Variants in IL1RAPL1 observed in about 807,000 individuals in gnomAD.
IL1RAPL1 encodes interleukin 1 receptor accessory protein like 1.
Under a neutral mutation model 48.4 loss-of-function variants are expected in IL1RAPL1, and 3 were observed. The ratio of observed to expected loss-of-function variants is 0.06; its 90% CI spans 0.03 to 0.16. The LOEUF (loss-of-function observed/expected upper bound fraction) is 0.16, where lower values mean the gene tolerates loss of function less well. Ranked by LOEUF, IL1RAPL1 falls within the 10% of genes least tolerant of loss-of-function variation. The pLI is 1.00. For missense variants in IL1RAPL1, 349 were observed against 530.6 expected (o/e 0.66, Z 3.36); for synonymous variants, 185 against 187.7 (o/e 0.99, Z 0.12).
At chrX:29,473,172 G>A (rs183907543) in intron 5 of IL1RAPL1, among the ~76,000 whole-genome samples, 1 of 111,565 alleles carries the variant, frequency 9.0e-6, no homozygotes, top group Non-Finnish European at 1.9e-5. Flanking sequence ...TTATCTTCTT[G>A]TTGTGTCTTT....
At chrX:29,395,547 G>A (rs1363370730) in intron 3 of IL1RAPL1, among the ~76,000 whole-genome samples, 1 of 111,767 alleles carries the variant, frequency 8.9e-6, no homozygotes, top group Admixed American at 9.5e-5. Flanking sequence ...AGAAAAAAGA[G>A]ATGCTTATTT....
chrX:29,568,691 G>A (rs996708147), intron 5 of IL1RAPL1, among the ~76,000 whole-genome samples: 2 of 111,145 alleles, frequency 1.8e-5, no homozygotes, highest in African/African-American at 6.5e-5. Flanking sequence ...AAGAAAAATA[G>A]CATTTAAGAC....
chrX:29,608,429 A>G (rs1293567241), intron 5 of IL1RAPL1, among the ~76,000 whole-genome samples: 1 of 108,481 alleles, frequency 9.2e-6, no homozygotes, highest in Non-Finnish European at 1.9e-5. Context: ...GAAAGAAAGG[A>G]AGAGGAAAGG....
intron 2 of IL1RAPL1, among the ~76,000 whole-genome samples, chrX:29,004,832 G>C (rs1925937802): frequency 9.0e-6 from 1 of 111,164 alleles, no homozygotes; most frequent in Admixed American, 9.6e-5. Flanking sequence ...CTGCCCTCCA[G>C]CTGGGTGACA....
intron 3 of IL1RAPL1, among the ~76,000 whole-genome samples, chrX:29,307,236 T>C: frequency 8.9e-6 from 1 of 112,353 alleles, no homozygotes; most frequent in East Asian, 2.8e-4. Context: ...GTTTTTCTAA[T>C]GTTCTTTTGA....
At chrX:28,635,638 T>C (rs937275637) in intron 1 of IL1RAPL1, among the ~76,000 whole-genome samples, 2 of 112,121 alleles carry the variant, frequency 1.8e-5, no homozygotes, top group African/African-American at 6.5e-5. Context: ...GTAGGTTAGG[T>C]GTATTAAATA....
chrX:29,801,173 A>C (rs1370837017), intron 6 of IL1RAPL1, among the ~76,000 whole-genome samples: 1 of 108,419 alleles, frequency 9.2e-6, no homozygotes, highest in Non-Finnish European at 1.9e-5. Flanking sequence ...ATATCTCTTC[A>C]TGATTGCCCC....
intron 5 of IL1RAPL1, among the ~76,000 whole-genome samples, chrX:29,527,252 A>G (rs1235621831): frequency 9.2e-6 from 1 of 108,311 alleles, no homozygotes; most frequent in Non-Finnish European, 1.9e-5. Context: ...AACTAAATGT[A>G]CCAAGGAAAA....
chrX:28,836,044 C>G (rs1921197922), intron 2 of IL1RAPL1, among the ~76,000 whole-genome samples: 1 of 110,027 alleles, frequency 9.1e-6, no homozygotes, highest in Non-Finnish European at 1.9e-5. Context: ...AATAGAAGAT[C>G]CTTTTGGAAA....
intron 5 of IL1RAPL1, among the ~76,000 whole-genome samples, chrX:29,571,933 C>T (rs1004703831): frequency 1.8e-5 from 2 of 112,047 alleles, no homozygotes; most frequent in African/African-American, 6.5e-5. Flanking sequence ...AACTATATGG[C>T]AAGTACTGTT....
At chrX:28,957,790 T>C (rs1473568979) in intron 2 of IL1RAPL1, among the ~76,000 whole-genome samples, 2 of 108,973 alleles carry the variant, frequency 1.8e-5, no homozygotes, top group East Asian at 5.8e-4. Flanking sequence ...TGAAACCCTG[T>C]CTCTACTAAA....
Position 29,940,172 on chromosome X carries a change from T to A in IL1RAPL1, c.1058-1479T>A, listed in dbSNP as rs763917314. 4.5e-5 allele frequency among the ~76,000 whole-genome samples: 5 copies of A among 111,059 alleles called. No individual in the cohort carries two copies. The South Asian group carries it at 1.9e-3, about 43-fold the overall frequency. On this transcript the variant is annotated intron_variant, in intron 8 of 10. Coordinates refer to ENST00000378993, the MANE Select transcript of IL1RAPL1 (RefSeq NM_014271.4). The stretch of plus-strand genomic sequence containing the variant: ...GCCACCGTGCCCAGTCTGAGGACTT[T>A]TTTTCCTGTAATTATTACAGGAAAA...
At chrX:29,861,613 C>T (rs1045166454) in intron 6 of IL1RAPL1, among the ~76,000 whole-genome samples, 7 of 110,495 alleles carry the variant, frequency 6.3e-5, no homozygotes, top group African/African-American at 1.3e-4. Flanking sequence ...GCTTAGGTGA[C>T]GGGTGCATCA....
intron 5 of IL1RAPL1, among the ~76,000 whole-genome samples, chrX:29,551,521 G>C (rs753168240): frequency 7.2e-5 from 8 of 111,383 alleles, no homozygotes; most frequent in Admixed American, 1.9e-4. Context: ...TAATCCGTTA[G>C]GGTATCAATT....
At chrX:29,287,143 A>T (rs951410079) in intron 3 of IL1RAPL1, among the ~76,000 whole-genome samples, 15 of 111,769 alleles carry the variant, frequency 1.3e-4, no homozygotes, top group Middle Eastern at 4.2e-3. Flanking sequence ...CTTTATATTT[A>T]TAGTTTTGTT....
intron 6 of IL1RAPL1, among the ~76,000 whole-genome samples, chrX:29,884,641 A>C (rs1461294927): frequency 1.8e-5 from 2 of 110,752 alleles, no homozygotes; most frequent in Non-Finnish European, 3.8e-5. Context: ...ACATTTCTCA[A>C]ATCTTGCATA....
intron 5 of IL1RAPL1, among the ~76,000 whole-genome samples, chrX:29,602,133 A>G (rs761477759): frequency 0.03 from 3,194 of 107,858 alleles, 196 homozygotes; most frequent in African/African-American, 0.11. Flanking sequence ...ACAGGCATGC[A>G]CCACCACACC....
At chrX:29,801,104 A>G (rs1197803110) in intron 6 of IL1RAPL1, among the ~76,000 whole-genome samples, 1 of 94,706 alleles carries the variant, frequency 1.1e-5, no homozygotes, top group Non-Finnish European at 2.1e-5. Context: ...GTTAGTTTAT[A>G]ATTTAAAGAC....
At chrX:29,211,761 A>T (rs759271993) in intron 2 of IL1RAPL1, among the ~76,000 whole-genome samples, 1 of 111,511 alleles carries the variant, frequency 9.0e-6, no homozygotes, top group African/African-American at 3.3e-5. Flanking sequence ...CGTCAAGCAA[A>T]ACTTGGGAGT....
Sources: gnomAD v4.1 joint callset for allele counts (sites outside exome capture counted in the v4.1 genomes callset) on GRCh38, gnomAD v4.1.1 for gene constraint, MANE v1.5 for transcripts, NCBI Gene and HGNC (gene_info 2026-07-23, HGNC 2026-07-21) for gene names.